Variants in PTPRE observed in about 807,000 individuals in gnomAD.
PTPRE encodes receptor-type tyrosine-protein phosphatase epsilon.
In PTPRE, 51 loss-of-function variants were observed where a neutral mutation model predicts 102.0. That is an observed-to-expected ratio of 0.50 (90% CI 0.40 to 0.63). The LOEUF is 0.63. Ranked by LOEUF, PTPRE falls within the 30% of genes least tolerant of loss-of-function variation. PTPRE has a pLI of 0.00. For missense variants in PTPRE, 752 were observed against 915.1 expected (o/e 0.82, Z 2.30); for synonymous variants, 345 against 348.2 (o/e 0.99, Z 0.10).
chr10:127,992,011 C>T (rs772746344), intron 2 of PTPRE, among the ~76,000 whole-genome samples: 2 of 152,120 alleles, frequency 1.3e-5, no homozygotes, highest in Non-Finnish European at 2.9e-5. Flanking sequence ...GTGAGCCCAC[C>T]GGGTGAGCAG....
chr10:128,011,527 T>A (rs1269299745), intron 2 of PTPRE, among the ~76,000 whole-genome samples: 1 of 152,226 alleles, frequency 6.6e-6, no homozygotes, highest in African/African-American at 2.4e-5. Flanking sequence ...TCTGGTCACC[T>A]CTGGCATAGC....
At chr10:128,055,881 C>T (rs11016039) in intron 6 of PTPRE, among the ~76,000 whole-genome samples, 18,645 of 152,172 alleles carry the variant, frequency 0.12, 1,379 homozygotes, top group East Asian at 0.24. Flanking sequence ...GCTGATGAGA[C>T]CATCACTTTG....
chr10:128,025,774 C>T (rs752363377), intron 2 of PTPRE, among the ~76,000 whole-genome samples: 12 of 152,294 alleles, frequency 7.9e-5, no homozygotes, highest in African/African-American at 2.9e-4. Flanking sequence ...TCCAGGGGAC[C>T]CAGGGAAGCA....
At chr10:128,005,498 G>A (rs1389183511) in intron 2 of PTPRE, among the ~76,000 whole-genome samples, 2 of 152,174 alleles carry the variant, frequency 1.3e-5, no homozygotes, top group African/African-American at 2.4e-5. Flanking sequence ...GGTGATACTC[G>A]GCCTCCTATT....
chr10:127,973,067 C>A (rs1843058889), intron 1 of PTPRE, among the ~76,000 whole-genome samples: 1 of 152,228 alleles, frequency 6.6e-6, no homozygotes, highest in South Asian at 2.1e-4. Flanking sequence ...GAATGCCTGT[C>A]AAACATTACA....
intron 2 of PTPRE, among the ~76,000 whole-genome samples, chr10:128,025,119 A>G (rs899261417): frequency 7.4e-6 from 1 of 136,012 alleles, no homozygotes; most frequent in African/African-American, 2.8e-5. Context: ...TGATCATGCC[A>G]CTGCACTCCA....
At position 128,085,149 on chromosome 10, in the gene PTPRE, G is replaced by A. The variant is rs572947138; in HGVS notation, c.*2243G>A. 3.7e-5 allele frequency: 17 copies of A among 455,766 alleles called. No homozygotes were observed. Among genetic ancestry groups the A allele is most frequent in the East Asian group, 1.4e-4 (2 of 14,390 alleles). 28.2% of individuals were successfully genotyped at this position (455,766 alleles called of 1,614,324 possible). ...TCCGGGACAGCGTTCGCCCTTTAGC[G>A]GGGAGGTCATTACAGCCTCATGGCC... On this transcript the variant is annotated 3_prime_UTR_variant, in exon 21 of 21. Transcript: ENST00000254667.
chr10:128,076,779 C>T (rs762232320), intron 18 of PTPRE, 51 bp downstream of exon 18: 2 of 1,603,640 alleles, frequency 1.2e-6, no homozygotes, highest in African/African-American at 1.3e-5. Context: ...GAACCACGCC[C>T]TCCCTCTGGG....
At chr10:128,016,396 A>T (rs904249424) in intron 2 of PTPRE, among the ~76,000 whole-genome samples, 1 of 151,724 alleles carries the variant, frequency 6.6e-6, no homozygotes, top group Non-Finnish European at 1.5e-5. Context: ...AACATCCTTC[A>T]CCACCAGCCA....
At chr10:128,052,383 G>T (rs1848628035) in intron 6 of PTPRE, among the ~76,000 whole-genome samples, 1 of 152,188 alleles carries the variant, frequency 6.6e-6, no homozygotes, top group Non-Finnish European at 1.5e-5. Flanking sequence ...TGATATTGGG[G>T]TCAGTACAGT....
chr10:128,047,618 C>T (rs1848202260), intron 4 of PTPRE, 129 bp downstream of exon 4: 1 of 1,613,792 alleles, frequency 6.2e-7, no homozygotes, highest in Non-Finnish European at 8.5e-7. Context: ...CTGGGAGACA[C>T]ACAGAGGCCA....
chr10:127,918,024 A>G (rs543301408), intron 1 of PTPRE, among the ~76,000 whole-genome samples: 1 of 152,104 alleles, frequency 6.6e-6, no homozygotes, highest in African/African-American at 2.4e-5. Context: ...GTGAGACACC[A>G]TCTCAAAAAA....
intron 6 of PTPRE, among the ~76,000 whole-genome samples, chr10:128,055,720 C>T (rs1260190914): frequency 6.6e-6 from 1 of 152,220 alleles, no homozygotes; most frequent in Non-Finnish European, 1.5e-5. Context: ...CTCCGCATGC[C>T]TGTCCTCGCT....
chr10:127,968,066 C>T (rs539638661), intron 1 of PTPRE, among the ~76,000 whole-genome samples: 63 of 150,172 alleles, frequency 4.2e-4, no homozygotes, highest in African/African-American at 1.5e-3. Context: ...ATAGGTCACA[C>T]AGTTGTCTTA....
chr10:127,944,434 G>A lies in PTPRE; in HGVS notation c.-31+37125G>A, dbSNP rs1174766770. On this transcript the variant is annotated intron_variant, in intron 1 of 20. Transcript: ENST00000254667. This position sits in a 1 kb window ranked among gnomAD's most constrained non-coding sequence, Gnocchi z 4.2. ...TGGATGCATGCATGGATAAGTGGAT[G>A]GATGGATGGACAGATGGATGGATAC... Among the ~76,000 whole-genome samples the A allele has an allele frequency of 6.6e-6, 1 of 150,848 alleles. No individual in the cohort carries two copies. Among genetic ancestry groups the A allele is most frequent in the Non-Finnish European group, 1.5e-5 (1 of 67,916 alleles).
intron 2 of PTPRE, among the ~76,000 whole-genome samples, chr10:128,015,323 C>T (rs370068923): frequency 6.6e-6 from 1 of 152,006 alleles, no homozygotes. Context: ...GCAGAAGAAT[C>T]GCTTAAGCTC....
At chr10:127,982,214 A>G (rs550566952) in intron 1 of PTPRE, 60 bp from the exon 2 acceptor site, 3 of 1,110,848 alleles carry the variant, frequency 2.7e-6, no homozygotes, top group African/African-American at 1.7e-5. Context: ...AATGGCTAGA[A>G]TTAGCAGCCA....
intron 2 of PTPRE, among the ~76,000 whole-genome samples, chr10:127,993,485 AG>A (rs1275804421): frequency 1.3e-5 from 2 of 152,012 alleles, no homozygotes; most frequent in Admixed American, 6.6e-5. Flanking sequence ...CAGCTCCTGG[AG>A]GGGGCGAGGG....
chr10:128,061,060 T>C (rs1849547540), intron 8 of PTPRE, 45 bp downstream of exon 8: 2 of 1,572,044 alleles, frequency 1.3e-6, no homozygotes, highest in East Asian at 2.2e-5. Context: ...AGCTGGGGCA[T>C]GAGCAGTAAG....
Sources: gnomAD v4.1 joint callset for allele counts (sites outside exome capture counted in the v4.1 genomes callset) on GRCh38, gnomAD v4.1.1 for gene constraint, Gnocchi (gnomAD v3.1) non-coding constraint, MANE v1.5 for transcripts, NCBI Gene and HGNC (gene_info 2026-07-23, HGNC 2026-07-21) for gene names.